Variants in NAP1L1 observed in about 807,000 individuals in gnomAD.
NAP1L1 encodes the protein nucleosome assembly protein 1-like 1.
In NAP1L1, 9 loss-of-function variants were observed where a neutral mutation model predicts 58.9. The ratio of observed to expected loss-of-function variants is 0.15; its 90% CI spans 0.09 to 0.27. The LOEUF (loss-of-function observed/expected upper bound fraction) is 0.27, where lower values mean the gene tolerates loss of function less well. NAP1L1 is among the 10% of genes least tolerant of loss of function. NAP1L1 has a pLI of 1.00. For missense variants in NAP1L1, 302 were observed against 458.8 expected, an observed-to-expected ratio of 0.66 and a Z score of 3.12; for synonymous variants, 130 against 138.3, an observed-to-expected ratio of 0.94 and a Z score of 0.42.
At chr12:76,051,957 T>C (rs1948855199) in intron 11 of NAP1L1, among the ~76,000 whole-genome samples, 1 of 151,980 alleles carries the variant, frequency 6.6e-6, no homozygotes, top group South Asian at 2.1e-4. Context: ...GAGGTTGTGG[T>C]GAGTGGAGAT....
intron 1 of NAP1L1, among the ~76,000 whole-genome samples, chr12:76,082,705 A>C (rs910804471): frequency 8.5e-5 from 13 of 152,196 alleles, no homozygotes; most frequent in African/African-American, 2.9e-4. Flanking sequence ...AGCTTGAAAC[A>C]CAAGAGTGCC....
Position 76,060,199 on chromosome 12 carries a change from T to C in NAP1L1, c.287A>G (p.Tyr96Cys), listed in dbSNP as rs11541044. 2.5e-6 allele frequency: 4 copies of C among 1,613,606 alleles called. No homozygotes were observed. Among genetic ancestry groups the C allele is most frequent in the South Asian group, 1.1e-5 (1 of 91,062 alleles). Residue 96 changes from tyrosine to cysteine, a missense_variant, in exon 5 of 15, where the codon TAT becomes TGT. Tyr to Cys is a radical substitution (Grantham distance 194, BLOSUM62 -2). Coordinates refer to ENST00000618691, the MANE Select transcript of NAP1L1 (RefSeq NM_004537.7). Reference sequence around the variant, plus strand: ...CCTTTCAAGATCGTGAACTTCCTCATAGAATTTGGCTTCTATCTGTGCACA... The same window carrying C: ...CCTTTCAAGATCGTGAACTTCCTCACAGAATTTGGCTTCTATCTGTGCACA... ...VKCAQIEAKF[Y>C]EEVHDLERKY...
intron 4 of NAP1L1, among the ~76,000 whole-genome samples, chr12:76,061,934 T>C (rs7315194): frequency 0.82 from 125,037 of 152,118 alleles, 51,602 homozygotes; most frequent in East Asian, 1. Context: ...AAGAATGAAG[T>C]AACTACTGAG....
intron 2 of NAP1L1, among the ~76,000 whole-genome samples, chr12:76,070,863 G>A (rs138966731): frequency 1.3e-3 from 202 of 152,162 alleles, no homozygotes; most frequent in African/African-American, 3.7e-3. Flanking sequence ...CCATATAAAC[G>A]TTATGTAAAT....
intron 1 of NAP1L1, among the ~76,000 whole-genome samples, chr12:76,080,121 C>T (rs1217252023): frequency 6.6e-6 from 1 of 152,190 alleles, no homozygotes; most frequent in Non-Finnish European, 1.5e-5. Context: ...ACTGCAGTCA[C>T]ATAACGTTTC....
intron 1 of NAP1L1, among the ~76,000 whole-genome samples, chr12:76,080,092 G>A (rs1271681780): frequency 6.6e-6 from 1 of 152,178 alleles, no homozygotes; most frequent in Admixed American, 6.5e-5. Context: ...CTGACATAAG[G>A]CTAAGAAACC....
chr12:76,074,794 G>A lies in NAP1L1; in HGVS notation c.-20-555C>T, dbSNP rs114692712. On this transcript the variant is annotated intron_variant, in intron 1 of 14. Transcript: ENST00000618691. ...AATCCCTGGATCAAATAGCCATTTA[G>A]ACTATTTCAAAAGCTCTAGGTCCCA... 9.7e-3 allele frequency among the ~76,000 whole-genome samples: 1,477 copies of A among 152,230 alleles called. 21 individuals are homozygous for A. Among genetic ancestry groups the A allele is most frequent in the African/African-American group, 0.033 (1,370 of 41,542 alleles).
At position 76,068,943 on chromosome 12, in the gene NAP1L1, T is replaced by G. The variant is rs751339694; in HGVS notation, c.69A>C (p.Glu23Asp). The G allele has an allele frequency of 1.2e-6, 2 of 1,613,404 alleles. No homozygotes were observed. The highest frequency in any genetic ancestry group is 1.7e-6 in the Non-Finnish European group (2 of 1,179,622). ...TTGTTTCTTCACCAGTTTCCTCTTC[T>G]TCTACTTCTTCAACATCATCCAAAT... The part of the protein sequence containing the change: ...DQDLDDVEEV[E>D]EEETGEETKL... Residue 23 changes from glutamate (E) to aspartate (D), a missense_variant, in exon 3 of 15, where the codon GAA (glutamate) becomes GAC (aspartate). By Grantham distance (45) the Glu-to-Asp change is conservative. Coordinates refer to ENST00000618691, the MANE Select transcript of NAP1L1 (RefSeq NM_004537.7).
intron 2 of NAP1L1, among the ~76,000 whole-genome samples, chr12:76,070,932 A>C (rs1192190542): frequency 6.6e-6 from 1 of 152,202 alleles, no homozygotes; most frequent in African/African-American, 2.4e-5. Context: ...ACATTCCGGA[A>C]GCCAAGGCAA....
chr12:76,059,833 A>T lies in NAP1L1; in HGVS notation c.394T>A (p.Cys132Ser). 1 of 1,603,808 alleles carries T rather than the reference A, an allele frequency of 6.2e-7. No individual in the cohort carries two copies. The highest frequency in any genetic ancestry group is 1.3e-5 in the African/African-American group (1 of 74,486). The stretch of plus-strand genomic sequence containing the variant: ...TCTTCTTCATCTGGTTTCCATTCAC[A>T]TTCTTCTTCCGTAGGTTCATAAATT... Reference protein sequence around the residue: ...NAIYEPTEEECEWKPDEEDEI... With the variant: ...NAIYEPTEEESEWKPDEEDEI... The change falls in exon 6 of 15, where the codon TGT (cysteine) becomes AGT (serine). Residue 132 changes from cysteine (C) to serine (S), a missense_variant. Cys to Ser is a moderately radical substitution (Grantham distance 112). Coordinates refer to ENST00000618691, the MANE Select transcript of NAP1L1 (RefSeq NM_004537.7).
At chr12:76,058,387 CTT>C (rs34510500) in intron 6 of NAP1L1, among the ~76,000 whole-genome samples, 73 of 133,154 alleles carry the variant, frequency 5.5e-4, no homozygotes, top group East Asian at 2.4e-3. Context: ...TTATTTGGTA[CTT>C]TTTTTTTTTT....
intron 14 of NAP1L1, 192 bp downstream of exon 14, chr12:76,049,008 G>A: frequency 1.8e-6 from 1 of 570,344 alleles, no homozygotes; most frequent in South Asian, 2.6e-5. Flanking sequence ...AAAAAACAAT[G>A]TTTTTTAGAA....
chr12:76,063,342 A>G (rs12311059), intron 4 of NAP1L1, among the ~76,000 whole-genome samples: 3,997 of 152,344 alleles, frequency 0.026, 152 homozygotes, highest in African/African-American at 0.091. Context: ...ACAAAAATCA[A>G]TGCCATTAAC....
intron 8 of NAP1L1, 108 bp from the exon 9 acceptor site, chr12:76,054,017 T>C (rs1039087447): frequency 3.9e-6 from 5 of 1,275,360 alleles, no homozygotes; most frequent in East Asian, 5.3e-5. Flanking sequence ...TGATAATTTT[T>C]TTTTCTACTC....
chr12:76,052,956 T>C (rs939006590), intron 11 of NAP1L1, 135 bp downstream of exon 11: 3 of 659,732 alleles, frequency 4.5e-6, no homozygotes, highest in Non-Finnish European at 4.9e-6. Flanking sequence ...ATTTTTCATA[T>C]CCAAAAAGTC....
rs1003188285 is a variant in NAP1L1, at chr12:76,043,401, T to A, written c.*5028A>T. The A allele has an allele frequency of 1.1e-4, 16 of 149,014 alleles. No homozygotes were observed. The highest frequency in any genetic ancestry group is 6.1e-4 in the Admixed American group (9 of 14,686). 9.2% of individuals were successfully genotyped at this position (149,014 alleles called of 1,614,324 possible). A position where few individuals can be genotyped will look rare whatever the true frequency, so the allele number is the denominator to read the frequency against. On this transcript the variant is annotated 3_prime_UTR_variant, in exon 15 of 15. Coordinates refer to ENST00000618691, the MANE Select transcript of NAP1L1 (RefSeq NM_004537.7). ...TTAGCTGGGCGTGGTGGCACGTGCC[T>A]GTGATACCAGCTACTCGAGAGGCTG...
intron 6 of NAP1L1, chr12:76,059,584 A>G: frequency 2.2e-6 from 1 of 463,608 alleles, no homozygotes. Context: ...AGAACCCATG[A>G]AACCGCTGCT....
chr12:76,076,314 T>C (rs889254422), intron 1 of NAP1L1, among the ~76,000 whole-genome samples: 2 of 152,134 alleles, frequency 1.3e-5, no homozygotes, highest in African/African-American at 2.4e-5. Context: ...GTTTGACCTA[T>C]GGTCTGTCTC....
chr12:76,082,152 C>T lies in NAP1L1; in HGVS notation c.-21+2415G>A, dbSNP rs539893237. On this transcript the variant is annotated intron_variant, in intron 1 of 14. Transcript: ENST00000618691. ...CTAATCCTTTGTTTCAAATTTACAA[C>T]CAAGAAGTGAATAAAATATTGTATT... is the stretch of plus-strand genomic sequence containing the variant. Among the ~76,000 whole-genome samples, 9 of 152,222 alleles carry T rather than the reference C, an allele frequency of 5.9e-5. No individual in the cohort carries two copies. In the South Asian group the frequency reaches 1.0e-3, roughly 18 times the overall value.
Sources: gnomAD v4.1 joint callset for allele counts (sites outside exome capture counted in the v4.1 genomes callset) on GRCh38, gnomAD v4.1.1 for gene constraint, MANE v1.5 for transcripts, NCBI Gene and HGNC (gene_info 2026-07-23, HGNC 2026-07-21) for gene names.